Variants in MACROD2 observed in about 807,000 individuals in gnomAD.
The protein encoded by MACROD2 is ADP-ribose glycohydrolase MACROD2.
A neutral mutation model predicts 70.4 loss-of-function variants in MACROD2; 36 were observed. That is an observed-to-expected ratio of 0.51 (90% CI 0.39 to 0.68). The LOEUF is 0.68. Ranked by LOEUF, MACROD2 falls within the 30% of genes least tolerant of loss-of-function variation. The pLI is 0.00. For missense variants in MACROD2, 496 were observed against 538.4 expected, an observed-to-expected ratio of 0.92 and a Z score of 0.78; for synonymous variants, 172 against 178.8, an observed-to-expected ratio of 0.96 and a Z score of 0.30.
At chr20:14,447,853 T>C (rs1329028958) in intron 3 of MACROD2, among the ~76,000 whole-genome samples, 1 of 151,594 alleles carries the variant, frequency 6.6e-6, no homozygotes, top group African/African-American at 2.4e-5. Context: ...CTTTGAGTAA[T>C]GGAAGATGGG....
At chr20:15,558,938 C>G (rs2048204348) in intron 8 of MACROD2, among the ~76,000 whole-genome samples, 1 of 152,148 alleles carries the variant, frequency 6.6e-6, no homozygotes, top group Admixed American at 6.5e-5. Flanking sequence ...AGTTATGCTA[C>G]TAGGATCACA....
In MACROD2 at chr20:14,789,460, ATTTTTTTT is replaced by A. The variant is rs3045609; in HGVS notation, c.418+104526_418+104533del. ...CTTGTGGATTAATCAGGTAGTGCAA[ATTTTTTTT>A]TTTTTTTTTTTTTTTTTTTTTTTTG... On this transcript the variant is annotated intron_variant, in intron 5 of 17. Transcript: ENST00000684519. Among the ~76,000 whole-genome samples the A allele has an allele frequency of 7.9e-3, 384 of 48,334 alleles. 4 individuals carry two copies. The highest frequency in any genetic ancestry group is 0.031 in the African/African-American group (357 of 11,648). 31.7% of individuals were successfully genotyped at this position (48,334 alleles called of 152,430 possible). A position where few individuals can be genotyped will look rare whatever the true frequency, so the allele number is the denominator to read the frequency against.
At chr20:14,857,840 G>A (rs747041355) in intron 5 of MACROD2, among the ~76,000 whole-genome samples, 2 of 89,278 alleles carry the variant, frequency 2.2e-5, no homozygotes, top group African/African-American at 6.8e-5. Flanking sequence ...TTTTGTTTGA[G>A]ACAAAGTCTC....
At chr20:14,785,174 A>AAC (rs2072352874) in intron 5 of MACROD2, among the ~76,000 whole-genome samples, 1 of 150,896 alleles carries the variant, frequency 6.6e-6, no homozygotes, top group South Asian at 2.1e-4. Flanking sequence ...AACACACACA[A>AAC]ACACACACAC....
chr20:14,868,808 G>C (rs958292069), intron 5 of MACROD2, among the ~76,000 whole-genome samples: 1 of 152,090 alleles, frequency 6.6e-6, no homozygotes. Flanking sequence ...TTGGTATGTC[G>C]AAAGTGGGTG....
At chr20:15,451,679 A>G (rs986397852) in intron 7 of MACROD2, among the ~76,000 whole-genome samples, 7 of 152,098 alleles carry the variant, frequency 4.6e-5, no homozygotes, top group Non-Finnish European at 8.8e-5. Context: ...GGCACCCTAC[A>G]CAGCAGGAAA....
intron 4 of MACROD2, among the ~76,000 whole-genome samples, chr20:14,570,059 A>C (rs1044089615): frequency 6.6e-6 from 1 of 152,098 alleles, no homozygotes; most frequent in African/African-American, 2.4e-5. Context: ...ATGTTCATCA[A>C]CATGTGCAAG....
At chr20:15,728,233 G>C in intron 8 of MACROD2, among the ~76,000 whole-genome samples, 1 of 152,054 alleles carries the variant, frequency 6.6e-6, no homozygotes, top group Non-Finnish European at 1.5e-5. Flanking sequence ...AACCAACCTT[G>C]CATCCTAAGG....
At chr20:15,001,262 A>T (rs2074993132) in intron 5 of MACROD2, among the ~76,000 whole-genome samples, 1 of 152,154 alleles carries the variant, frequency 6.6e-6, no homozygotes. Context: ...TCTCAAAGTG[A>T]TTTTGTCCAA....
intron 2 of MACROD2, among the ~76,000 whole-genome samples, chr20:14,063,717 G>A (rs933792606): frequency 6.6e-5 from 10 of 152,062 alleles, no homozygotes; most frequent in African/African-American, 1.9e-4. Flanking sequence ...TTTGAAATCC[G>A]AAACATTTCT....
intron 15 of MACROD2, among the ~76,000 whole-genome samples, chr20:16,027,717 A>T (rs1244579691): frequency 1.3e-5 from 2 of 152,192 alleles, no homozygotes; most frequent in Non-Finnish European, 2.9e-5. Context: ...GAAAAAGTAC[A>T]TATCTCTGTG....
chr20:15,215,661 C>A (rs1484555412), intron 5 of MACROD2, among the ~76,000 whole-genome samples: 1 of 151,810 alleles, frequency 6.6e-6, no homozygotes, highest in South Asian at 2.1e-4. Context: ...TTGTTATTAC[C>A]AAGTCTTGAC....
intron 15 of MACROD2, among the ~76,000 whole-genome samples, chr20:16,035,255 G>A (rs1199762002): frequency 6.8e-6 from 1 of 148,118 alleles, no homozygotes; most frequent in African/African-American, 2.5e-5. Flanking sequence ...CTCATTGACT[G>A]ATGAGCCTTT....
chr20:14,048,140 G>C (rs1275693967), intron 2 of MACROD2, among the ~76,000 whole-genome samples: 4 of 152,098 alleles, frequency 2.6e-5, no homozygotes, highest in African/African-American at 9.7e-5. Flanking sequence ...CAGAAAGCCA[G>C]TCAGAGATAA....
At chr20:15,241,826 A>G (rs1045689089) in intron 6 of MACROD2, among the ~76,000 whole-genome samples, 21 of 151,398 alleles carry the variant, frequency 1.4e-4, no homozygotes, top group African/African-American at 4.1e-4. Context: ...TCCTTGGGCT[A>G]TTTGGCTACC....
At chr20:14,789,811 C>T (rs980211530) in intron 5 of MACROD2, among the ~76,000 whole-genome samples, 3 of 151,830 alleles carry the variant, frequency 2.0e-5, no homozygotes, top group Non-Finnish European at 2.9e-5. Context: ...TTATAAACCA[C>T]CCACCTTGAT....
At chr20:14,603,150 T>C (rs922102285) in intron 4 of MACROD2, among the ~76,000 whole-genome samples, 22 of 152,214 alleles carry the variant, frequency 1.4e-4, no homozygotes, top group African/African-American at 5.3e-4. Context: ...TTGTTTTTCA[T>C]TTATTTTTAT....
chr20:15,435,857 T>C (rs150052465), intron 7 of MACROD2, among the ~76,000 whole-genome samples: 159 of 152,210 alleles, frequency 1.0e-3, no homozygotes, highest in African/African-American at 3.7e-3. Flanking sequence ...GGCATGGCAT[T>C]AATAGTGTGA....
chr20:15,137,632 C>T (rs2076159867), intron 5 of MACROD2, among the ~76,000 whole-genome samples: 1 of 150,792 alleles, frequency 6.6e-6, no homozygotes, highest in African/African-American at 2.4e-5. Context: ...ATGGGTGCAG[C>T]ACACCAGCAT....
Sources: gnomAD v4.1 joint callset for allele counts (sites outside exome capture counted in the v4.1 genomes callset) on GRCh38, gnomAD v4.1.1 for gene constraint, MANE v1.5 for transcripts, NCBI Gene and HGNC (gene_info 2026-07-23, HGNC 2026-07-21) for gene names.